MELTF: variants seen among roughly 807,000 people sequenced by gnomAD.
MELTF encodes the protein melanotransferrin.
In MELTF, 67 loss-of-function variants were observed where a neutral mutation model predicts 83.7. The observed-to-expected ratio is 0.80, with a 90% confidence interval of 0.66 to 0.98. The LOEUF is 0.98. Among genes scored for constraint, MELTF ranks in the 50% least tolerant of loss-of-function variants. MELTF has a pLI of 0.00. For synonymous variants in MELTF, 462 were observed against 447.6 expected, an observed-to-expected ratio of 1.03 and a Z score of -0.41; for missense variants, 1,002 against 1,035.6, an observed-to-expected ratio of 0.97 and a Z score of 0.44.
rs1293185638 is a variant in MELTF, at chr3:197,003,237, C to T, written c.*135G>A. On this transcript the variant is annotated 3_prime_UTR_variant, in exon 16 of 16. Coordinates refer to ENST00000296350, the MANE Select transcript of MELTF (RefSeq NM_005929.6). The surrounding 1 kb of genome is among the most constrained non-coding windows in gnomAD (Gnocchi z 6.2). ...AGCGCCAGGTGGCGCCCGTGGGCGG[C>T]GGGGCTCCCGGGGAGGCGCCTGCTC... The T allele has an allele frequency of 1.7e-5, 16 of 963,466 alleles. No individual in the cohort carries two copies. Among genetic ancestry groups the T allele is most frequent in the Non-Finnish European group, 2.0e-5 (16 of 803,152 alleles). 59.7% of individuals were successfully genotyped at this position (963,466 alleles called of 1,614,324 possible). A position where few individuals can be genotyped will look rare whatever the true frequency, so the allele number is the denominator to read the frequency against.
chr3:197,008,348 C>T lies in MELTF; in HGVS notation c.1750+309G>A, dbSNP rs900940489. Among the ~76,000 whole-genome samples, 2 of 152,188 alleles carry T rather than the reference C, an allele frequency of 1.3e-5. No homozygotes were observed. The highest frequency in any genetic ancestry group is 4.8e-5 in the African/African-American group (2 of 41,426). ...ACTCCCACCTCACACCTTGGCACTA[C>T]ATCAATACTCCCAGAAGGGGGTCTT... is the stretch of plus-strand genomic sequence containing the variant. On this transcript the variant is annotated intron_variant, in intron 13 of 15. Coordinates refer to ENST00000296350, the MANE Select transcript of MELTF (RefSeq NM_005929.6). The surrounding 1 kb of genome is among the most constrained non-coding windows in gnomAD (Gnocchi z 5.4).
At chr3:197,005,572 C>T (rs2108953115) in intron 14 of MELTF, among the ~76,000 whole-genome samples, 1 of 152,266 alleles carries the variant, frequency 6.6e-6, no homozygotes, top group Admixed American at 6.5e-5. Flanking sequence ...AGGAAATCAG[C>T]AGAGAAGACT....
chr3:197,009,500 G>T, intron 11 of MELTF, 118 bp downstream of exon 11: 1 of 940,676 alleles, frequency 1.1e-6, no homozygotes, highest in African/African-American at 1.7e-5. Context: ...AGATACCTGG[G>T]CACATATGCA....
intron 9 of MELTF, among the ~76,000 whole-genome samples, chr3:197,014,068 G>A (rs746396595): frequency 3.9e-5 from 6 of 152,164 alleles, no homozygotes; most frequent in Admixed American, 3.3e-4. Flanking sequence ...CATGTTTATC[G>A]CAGCACTGGC....
At chr3:197,004,377 T>C in intron 14 of MELTF, 1 of 492,672 alleles carries the variant, frequency 2.0e-6, no homozygotes, top group Non-Finnish European at 3.7e-6. Context: ...GCCTGAGATG[T>C]CCAGGAAGAA....
rs538886521 is a variant in MELTF, at chr3:197,016,273, C to G, written c.997G>C (p.Val333Leu). 1.9e-6 allele frequency: 3 copies of G among 1,613,288 alleles called. No homozygotes were observed. In the South Asian group the frequency reaches 3.3e-5, roughly 18 times the overall value. ...LLFKDSTSEL[V>L]PIATQTYEAW... ...TCATAGGTCTGTGTGGCGATGGGCA[C>G]AAGCTCCGAGGTAGAGTCTTTGAAG... Residue 333 changes from valine (V) to leucine (L), a missense_variant, in exon 8 of 16, where the codon GTG becomes CTG. Coordinates refer to ENST00000296350, the MANE Select transcript of MELTF (RefSeq NM_005929.6).
chr3:197,027,800 AGAG>A lies in MELTF; in HGVS notation c.157_159del (p.Leu53del). ...TGGTCGGCGGAGGTGCCCCGGACGC[AGAG>A]GAGGGAGGGCTGGATGCCCGCTTCC... On this transcript the variant is annotated inframe_deletion, in exon 2 of 16. Coordinates refer to ENST00000296350, the MANE Select transcript of MELTF (RefSeq NM_005929.6). The A allele has an allele frequency of 6.2e-7, 1 of 1,611,128 alleles. No individual in the cohort carries two copies. The highest frequency in any genetic ancestry group is 8.5e-7 in the Non-Finnish European group (1 of 1,179,222).
chr3:197,026,712 C>A lies in MELTF; in HGVS notation c.252G>T (p.Glu84Asp), dbSNP rs1427956606. The change falls in exon 3 of 16, where the codon GAG becomes GAT. Residue 84 changes from glutamate (E) to aspartate (D), a missense_variant. Glu to Asp is a conservative substitution (Grantham distance 45). Coordinates refer to ENST00000296350, the MANE Select transcript of MELTF (RefSeq NM_005929.6). ...AITLDGGAIYEAGKEHGLKPV... is the reference protein window; with the variant it reads ...AITLDGGAIYDAGKEHGLKPV... ...GCTTCAGGCCGTGCTCCTTTCCCGC[C>A]TCATAGATGGCTCCTCCATCCAGAG... is the stretch of plus-strand genomic sequence containing the variant. The A allele has an allele frequency of 6.2e-7, 1 of 1,613,484 alleles. No homozygotes were observed. The highest frequency in any genetic ancestry group is 2.2e-5 in the East Asian group (1 of 44,878).
At chr3:197,005,677 C>T (rs893331789) in intron 14 of MELTF, among the ~76,000 whole-genome samples, 1 of 152,168 alleles carries the variant, frequency 6.6e-6, no homozygotes. Context: ...AGAGCTGTGG[C>T]CAGTGCCACT....
intron 10 of MELTF, 70 bp downstream of exon 10, chr3:197,010,628 G>A: frequency 7.5e-7 from 1 of 1,325,258 alleles, no homozygotes; most frequent in East Asian, 2.4e-5. Flanking sequence ...GGCTGAGGGG[G>A]GCACTCTTTT....
chr3:197,028,027 G>T, intron 1 of MELTF, 117 bp from the exon 2 acceptor site: 1 of 1,235,436 alleles, frequency 8.1e-7, no homozygotes, highest in Non-Finnish European at 1.1e-6. Flanking sequence ...CAGTCCTCTA[G>T]GGCAGCCCTG....
Position 197,024,203 on chromosome 3 carries a change from T to C in MELTF, c.487+100A>G. ...TGCGCCTTCCAGGAATGAAGAATGG[T>C]GGCGAGGCCGGAGGGAGGCTACCCA... is the stretch of plus-strand genomic sequence containing the variant. On this transcript the variant is annotated intron_variant, in intron 4 of 15. Coordinates refer to ENST00000296350, the MANE Select transcript of MELTF (RefSeq NM_005929.6). The surrounding 1 kb of genome is among the most constrained non-coding windows in gnomAD (Gnocchi z 5.3). The C allele has an allele frequency of 7.7e-7, 1 of 1,299,600 alleles. No individual in the cohort carries two copies. Among genetic ancestry groups the C allele is most frequent in the Admixed American group, 2.3e-5 (1 of 43,702 alleles). The allele number at this position is 1,299,600 out of a possible 1,614,324, so 80.5% of individuals were successfully genotyped here.
At chr3:197,018,349 T>C (rs1204970005) in intron 6 of MELTF, among the ~76,000 whole-genome samples, 6 of 151,936 alleles carry the variant, frequency 3.9e-5, no homozygotes, top group South Asian at 4.1e-4. Context: ...GATGGGGTTT[T>C]ACTGTGTTAG....
Position 197,007,659 on chromosome 3 carries a change from T to TG in MELTF, c.1751-924dup, listed in dbSNP as rs1036233601. ...CAGGTGTTCTTGGTAGGAGGCTGGGTGGGGGAGCTGGGCTGTGGCAACAGG... is the reference window on the plus strand; with the variant it reads ...CAGGTGTTCTTGGTAGGAGGCTGGGTGGGGGGAGCTGGGCTGTGGCAACAGG... On this transcript the variant is annotated intron_variant, in intron 13 of 15. Transcript: ENST00000296350. The surrounding 1 kb of genome is among the most constrained non-coding windows in gnomAD (Gnocchi z 4.3). Among the ~76,000 whole-genome samples, 5 of 151,932 alleles carry TG rather than the reference T, an allele frequency of 3.3e-5. No homozygotes were observed. Among genetic ancestry groups the TG allele is most frequent in the African/African-American group, 1.2e-4 (5 of 41,330 alleles).
chr3:197,014,045 GATGCCCGCACCCC>G (rs1220789935), intron 9 of MELTF, among the ~76,000 whole-genome samples: 1 of 152,198 alleles, frequency 6.6e-6, no homozygotes, highest in Non-Finnish European at 1.5e-5. Flanking sequence ...CTGTGGAAGG[GATGCCCGCACCCC>G]ATGTTTATCG....
rs780114838 is a variant in MELTF at position 197,017,235 on chromosome 3, C to T, written c.768G>A (p.Leu256=). The change falls in exon 7 of 16, where the codon CTG becomes CTA. Residue 256 remains leucine, a synonymous_variant. Transcript: ENST00000296350. ...QALLSQDFEL[L]CRDGSRADVT... is the part of the protein sequence containing the mutation. ...CATCGGCCCGGCTACCATCCCGGCA[C>T]AGCAGCTCGAAGTCCTGTGACAGCA... 12 of 1,590,484 alleles carry T rather than the reference C, an allele frequency of 7.5e-6. No individual in the cohort carries two copies. Among genetic ancestry groups the T allele is most frequent in the South Asian group, 1.1e-5 (1 of 87,232 alleles).
chr3:197,003,660 C>G lies in MELTF; in HGVS notation c.2138-209G>C. Reference sequence around the variant, plus strand: ...TCTCTGCCGTGGCCCCAGATCCTCCCCGCGCCGCCGTTTTGAGCGTTCACA... The same window carrying G: ...TCTCTGCCGTGGCCCCAGATCCTCCGCGCGCCGCCGTTTTGAGCGTTCACA... On this transcript the variant is annotated intron_variant, in intron 15 of 15. Transcript: ENST00000296350. This position sits in a 1 kb window ranked among gnomAD's most constrained non-coding sequence, Gnocchi z 6.2. 1.5e-6 allele frequency: 1 copy of G among 663,498 alleles called. No homozygotes were observed. Among genetic ancestry groups the G allele is most frequent in the Non-Finnish European group, 2.5e-6 (1 of 399,812 alleles). 41.1% of individuals were successfully genotyped at this position (663,498 alleles called of 1,614,324 possible).
At position 197,023,724 on chromosome 3, in the gene MELTF, G is replaced by T. The variant is rs564362563; in HGVS notation, c.487+579C>A. 2.0e-3 allele frequency: 701 copies of T among 357,850 alleles called. 1 individual carries two copies. The highest frequency in any genetic ancestry group is 3.9e-3 in the Middle Eastern group (4 of 1,016). The allele number at this position is 357,850 out of a possible 1,614,324, so 22.2% of individuals were successfully genotyped here. On this transcript the variant is annotated intron_variant, in intron 4 of 15. Coordinates refer to ENST00000296350, the MANE Select transcript of MELTF (RefSeq NM_005929.6). Reference sequence around the variant, plus strand: ...TTTTCCAGAGTAAGCCCTCTTCCTGGTTTTTTTTTTGTGACCTCCCAGAGG... The same window carrying T: ...TTTTCCAGAGTAAGCCCTCTTCCTGTTTTTTTTTTTGTGACCTCCCAGAGG...
At position 197,024,913 on chromosome 3, in the gene MELTF, G is replaced by C. The variant is rs1432530659; in HGVS notation, c.305-428C>G. On this transcript the variant is annotated intron_variant, in intron 3 of 15. Coordinates refer to ENST00000296350, the MANE Select transcript of MELTF (RefSeq NM_005929.6). The surrounding 1 kb of genome is among the most constrained non-coding windows in gnomAD (Gnocchi z 5.3). The stretch of plus-strand genomic sequence containing the variant: ...AGGGTCATGGGAAGAAGGGTGTCTG[G>C]GAGGAGCAGGGGAGCCGAGGAGGGG... Among the ~76,000 whole-genome samples, 1 of 152,180 alleles carries C rather than the reference G, an allele frequency of 6.6e-6. No homozygotes were observed. Among genetic ancestry groups the C allele is most frequent in the Non-Finnish European group, 1.5e-5 (1 of 68,038 alleles).
Sources: allele counts gnomAD v4.1 joint callset (sites outside exome capture counted in the v4.1 genomes callset), GRCh38; gene constraint gnomAD v4.1.1; non-coding constraint Gnocchi (gnomAD v3.1); transcripts MANE v1.5; gene names NCBI Gene and HGNC (gene_info 2026-07-23, HGNC 2026-07-21).